Variants in SLC19A2 observed in about 807,000 individuals in gnomAD.
The protein encoded by SLC19A2 is solute carrier family 19 member 2.
A neutral mutation model predicts 44.7 loss-of-function variants in SLC19A2; 27 were observed. The ratio of observed to expected loss-of-function variants is 0.60; its 90% CI spans 0.45 to 0.83. The LOEUF (loss-of-function observed/expected upper bound fraction) is 0.83, where lower values mean the gene tolerates loss of function less well. Among genes scored for constraint, SLC19A2 ranks in the 40% least tolerant of loss-of-function variants. The pLI, the probability that SLC19A2 is intolerant of heterozygous loss-of-function variation, is 0.00. For missense variants in SLC19A2, 566 were observed against 613.7 expected (o/e 0.92, Z 0.82); for synonymous variants, 239 against 243.6 (o/e 0.98, Z 0.18).
intron 2 of SLC19A2, among the ~76,000 whole-genome samples, chr1:169,471,463 CCACACACACACACACA>C (rs59833853): frequency 1.1e-3 from 132 of 118,066 alleles, no homozygotes; most frequent in Admixed American, 2.2e-3. Context: ...GATCCCGTCT[CCACACACACACACACA>C]CACACACACA....
chr1:169,482,774 G>T (rs917833767), intron 1 of SLC19A2, among the ~76,000 whole-genome samples: 1 of 152,166 alleles, frequency 6.6e-6, no homozygotes, highest in African/African-American at 2.4e-5. Context: ...CTGTGGATAT[G>T]CTGGACTTAA....
At chr1:169,473,344 C>T (rs1439334585) in intron 2 of SLC19A2, among the ~76,000 whole-genome samples, 1 of 152,038 alleles carries the variant, frequency 6.6e-6, no homozygotes, top group Non-Finnish European at 1.5e-5. Context: ...AAGCAACTCT[C>T]CTGCCTCAGC....
At chr1:169,477,940 T>C (rs907141218) in intron 1 of SLC19A2, among the ~76,000 whole-genome samples, 183 bp from the exon 2 acceptor site, 2 of 152,186 alleles carry the variant, frequency 1.3e-5, no homozygotes, top group African/African-American at 4.8e-5. Context: ...TGGAGTCTTG[T>C]TCTGCGCCCA....
Position 169,465,728 on chromosome 1 carries a change from G to T in SLC19A2, c.*121C>A. On this transcript the variant is annotated 3_prime_UTR_variant, in exon 6 of 6. Transcript: ENST00000236137. ...CGGAACACAAGGTATTAGTCAAGTG[G>T]CTGCTGTGAAGTCAAGAAATGCACA... The T allele has an allele frequency of 9.6e-7, 1 of 1,046,946 alleles. No individual in the cohort carries two copies. Among genetic ancestry groups the T allele is most frequent in the Non-Finnish European group, 1.5e-6 (1 of 680,116 alleles). The allele number at this position is 1,046,946 out of a possible 1,614,324, so 64.9% of individuals were successfully genotyped here.
chr1:169,485,526 G>T (rs1236462473), intron 1 of SLC19A2, 37 bp downstream of exon 1: 6 of 1,554,920 alleles, frequency 3.9e-6, no homozygotes, highest in Non-Finnish European at 5.2e-6. Flanking sequence ...CAGGCCGGTC[G>T]CCCGCCCTTC....
At chr1:169,483,264 T>C (rs974506477) in intron 1 of SLC19A2, among the ~76,000 whole-genome samples, 3 of 152,258 alleles carry the variant, frequency 2.0e-5, no homozygotes, top group African/African-American at 7.2e-5. Flanking sequence ...TTAATACAAA[T>C]GTCGCTGAAT....
intron 2 of SLC19A2, among the ~76,000 whole-genome samples, chr1:169,475,222 T>A (rs1229050240): frequency 6.6e-6 from 1 of 152,100 alleles, no homozygotes; most frequent in Non-Finnish European, 1.5e-5. Flanking sequence ...TCTAGAACAG[T>A]TTTTAAAACT....
chr1:169,466,085 TAC>T, intron 5 of SLC19A2, 108 bp from the exon 6 acceptor site: 1 of 1,298,886 alleles, frequency 7.7e-7, no homozygotes, highest in Non-Finnish European at 1.1e-6. Flanking sequence ...ATTGCATACT[TAC>T]ACCACGTGCC....
intron 5 of SLC19A2, 107 bp downstream of exon 5, chr1:169,468,004 A>C (rs934785113): frequency 4.5e-6 from 5 of 1,117,934 alleles, no homozygotes; most frequent in Non-Finnish European, 6.8e-6. Context: ...CTTTTACTTT[A>C]CATCTGTTCC....
intron 2 of SLC19A2, among the ~76,000 whole-genome samples, chr1:169,471,458 C>T (rs1042526228): frequency 1.3e-4 from 17 of 129,158 alleles, no homozygotes; most frequent in African/African-American, 3.4e-4. Flanking sequence ...AGTAAGATCC[C>T]GTCTCCACAC....
At position 169,468,225 on chromosome 1, in the gene SLC19A2, C is replaced by T. The variant is rs548452337; in HGVS notation, c.1251G>A (p.Met417Ile). The part of the protein sequence containing the change: ...ATFQIAANLS[M>I]ERYALVFGVN... Reference sequence around the variant, plus strand: ...CACCAAATACTAGGGCATAGCGTTCCATGCTGAGGTTTGCAGCAATTTGAA... The same window carrying T: ...CACCAAATACTAGGGCATAGCGTTCTATGCTGAGGTTTGCAGCAATTTGAA... Residue 417 changes from methionine (M) to isoleucine (I), a missense_variant, in exon 5 of 6, where the codon ATG (methionine) becomes ATA (isoleucine). Transcript: ENST00000236137. 5 of 1,613,604 alleles carry T rather than the reference C, an allele frequency of 3.1e-6. No homozygotes were observed. In the South Asian group the frequency reaches 4.4e-5, roughly 14 times the overall value.
chr1:169,477,124 G>A, intron 2 of SLC19A2, 31 bp downstream of exon 2: 1 of 1,612,326 alleles, frequency 6.2e-7, no homozygotes, highest in Non-Finnish European at 8.5e-7. Context: ...CCCCATAGTA[G>A]CAATTACAAG....
At chr1:169,478,081 A>G (rs1658367586) in intron 1 of SLC19A2, among the ~76,000 whole-genome samples, 1 of 151,834 alleles carries the variant, frequency 6.6e-6, no homozygotes, top group African/African-American at 2.4e-5. Flanking sequence ...TAATTTTTGT[A>G]TTTTTAGTAG....
chr1:169,473,589 G>A (rs143877938), intron 2 of SLC19A2, among the ~76,000 whole-genome samples: 3 of 151,990 alleles, frequency 2.0e-5, no homozygotes, highest in East Asian at 2.0e-4. Flanking sequence ...GTGCCTTTGC[G>A]CAAGTCAGTT....
At chr1:169,477,047 C>T in intron 2 of SLC19A2, 108 bp downstream of exon 2, 1 of 1,257,862 alleles carries the variant, frequency 8.0e-7, no homozygotes, top group Non-Finnish European at 1.2e-6. Context: ...CAGGATAAAA[C>T]ATGAATCCAA....
At chr1:169,477,016 GAATA>G (rs1658335782) in intron 2 of SLC19A2, 135 bp downstream of exon 2, 1 of 962,632 alleles carries the variant, frequency 1.0e-6, no homozygotes, top group Middle Eastern at 3.2e-4. Context: ...ATGAATGAAT[GAATA>G]AAGCAATAAA....
chr1:169,474,752 T>G (rs1020126634), intron 2 of SLC19A2, among the ~76,000 whole-genome samples: 1 of 152,180 alleles, frequency 6.6e-6, no homozygotes, highest in Non-Finnish European at 1.5e-5. Context: ...TTCTGAATTT[T>G]CTTCATGCTT....
chr1:169,475,745 G>GT (rs1405355372), intron 2 of SLC19A2, among the ~76,000 whole-genome samples: 1 of 152,164 alleles, frequency 6.6e-6, no homozygotes, highest in Non-Finnish European at 1.5e-5. Flanking sequence ...AGGTGCCCTG[G>GT]TAATCAAGGT....
At position 169,477,314 on chromosome 1, in the gene SLC19A2, G is replaced by A. The variant is rs1658346203; in HGVS notation, c.648C>T (p.Phe216=). The A allele has an allele frequency of 3.1e-6, 5 of 1,614,058 alleles. No individual in the cohort carries two copies. The highest frequency in any genetic ancestry group is 3.3e-5 in the Admixed American group (2 of 60,028). ...GGCAGGTAGAAGGAATGTGGTGAAA[G>A]AAGAGGCTCTTCTGTGGCATAGGTA... ...WFLPMPQKSL[F]FHHIPSTCQR... is the part of the protein sequence containing the mutation. The change falls in exon 2 of 6, where the codon TTC becomes TTT. Residue 216 remains phenylalanine, a synonymous_variant. Transcript: ENST00000236137.
Sources: gnomAD v4.1 joint callset for allele counts (sites outside exome capture counted in the v4.1 genomes callset) on GRCh38, gnomAD v4.1.1 for gene constraint, MANE v1.5 for transcripts, NCBI Gene and HGNC (gene_info 2026-07-23, HGNC 2026-07-21) for gene names.